Variants in IMPG1 observed in about 807,000 individuals in gnomAD.
IMPG1 encodes the protein interphotoreceptor matrix proteoglycan of 150 kDa.
IMPG1 carries 85 observed loss-of-function variants against 92.0 expected under a neutral mutation model. That is an observed-to-expected ratio of 0.92 (90% CI 0.78 to 1.11). The LOEUF is 1.11. Ranked by LOEUF, IMPG1 falls within the 50% of genes least tolerant of loss-of-function variation. The pLI is 0.00. For missense variants in IMPG1, 1,022 were observed against 956.0 expected (o/e 1.07, Z -0.91); for synonymous variants, 367 against 334.1 (o/e 1.10, Z -1.08).
At chr6:75,970,330 T>G (rs1029872396) in intron 12 of IMPG1, among the ~76,000 whole-genome samples, 55 of 152,002 alleles carry the variant, frequency 3.6e-4, no homozygotes, top group African/African-American at 1.3e-3. Flanking sequence ...AAATTCAAAC[T>G]TCTTTTTTTT....
intron 2 of IMPG1, among the ~76,000 whole-genome samples, chr6:76,036,348 A>G (rs1408055514): frequency 6.6e-6 from 1 of 152,206 alleles, no homozygotes; most frequent in Admixed American, 6.5e-5. Context: ...TTTAACACTG[A>G]TTTCTTCCAA....
At chr6:75,996,653 C>G (rs888829996) in intron 12 of IMPG1, among the ~76,000 whole-genome samples, 20 of 152,084 alleles carry the variant, frequency 1.3e-4, no homozygotes, top group Admixed American at 5.9e-4. Flanking sequence ...CAGGGAATGA[C>G]CAAGATAGCA....
At chr6:76,030,965 G>A (rs965411749) in intron 4 of IMPG1, among the ~76,000 whole-genome samples, 10 of 152,194 alleles carry the variant, frequency 6.6e-5, no homozygotes, top group South Asian at 2.1e-4. Flanking sequence ...CGTTTGGTGC[G>A]GAACCTGGGA....
At chr6:75,978,937 G>A (rs1035844241) in intron 12 of IMPG1, among the ~76,000 whole-genome samples, 1 of 152,084 alleles carries the variant, frequency 6.6e-6, no homozygotes, top group Non-Finnish European at 1.5e-5. Flanking sequence ...GGGAGGACAA[G>A]GTCTCTGTCT....
At chr6:75,946,792 C>T (rs774037298) in intron 14 of IMPG1, among the ~76,000 whole-genome samples, 8 of 151,998 alleles carry the variant, frequency 5.3e-5, no homozygotes, top group South Asian at 2.1e-4. Context: ...TTGTTGATGG[C>T]GAAGTGACTT....
intron 2 of IMPG1, among the ~76,000 whole-genome samples, chr6:76,035,003 T>TGTGTGTGTGTGTGC (rs1020212856): frequency 6.6e-6 from 1 of 151,640 alleles, no homozygotes; most frequent in Non-Finnish European, 1.5e-5. Flanking sequence ...TATGTGCGTG[T>TGTGTGTGTGTGTGC]GTGTGTGTGT....
chr6:75,950,740 T>C lies in IMPG1; in HGVS notation c.1646A>G (p.Asp549Gly). 3 of 1,613,938 alleles carry C rather than the reference T, an allele frequency of 1.9e-6. No individual in the cohort carries two copies. In the South Asian group the frequency reaches 3.3e-5, roughly 18 times the overall value. The change falls in exon 13 of 17, where the codon GAT (aspartate) becomes GGT (glycine). Residue 549 changes from aspartate to glycine, a missense_variant. By Grantham distance (94) the Asp-to-Gly change is moderately conservative. Transcript: ENST00000369950. Reference sequence around the variant, plus strand: ...CTGTAAAGCTGAGACAGGAGTGGTATCCTCCAAGAAATGATCTGGGACAGA... The same window carrying C: ...CTGTAAAGCTGAGACAGGAGTGGTACCCTCCAAGAAATGATCTGGGACAGA... ...YVSVPDHFLE[D>G]TTPVSALQYI...
At chr6:75,971,317 G>T (rs924627725) in intron 12 of IMPG1, among the ~76,000 whole-genome samples, 4 of 133,688 alleles carry the variant, frequency 3.0e-5, no homozygotes, top group African/African-American at 1.1e-4. Flanking sequence ...AGGGCCTGTT[G>T]TGGGGTCGGG....
chr6:75,933,212 C>T (rs1781691901), intron 14 of IMPG1, among the ~76,000 whole-genome samples: 1 of 152,140 alleles, frequency 6.6e-6, no homozygotes, highest in Non-Finnish European at 1.5e-5. Context: ...AAGTAGATGC[C>T]ATTGTCTAGA....
rs1245997754 is a variant in IMPG1, at chr6:76,002,908, G to A, written c.1291+10C>T. 6.2e-7 allele frequency: 1 copy of A among 1,606,040 alleles called. No individual in the cohort carries two copies. Among genetic ancestry groups the A allele is most frequent in the East Asian group, 2.2e-5 (1 of 44,850 alleles). Reference sequence around the variant, plus strand: ...GTCATCTAACATAGACTTTGTGAGGGGAAACTTACCAGGTAGACCATGCTC... The same window carrying A: ...GTCATCTAACATAGACTTTGTGAGGAGAAACTTACCAGGTAGACCATGCTC... On this transcript the variant is annotated intron_variant, in intron 12 of 16. Transcript: ENST00000369950.
chr6:76,026,119 G>A (rs565456722), intron 4 of IMPG1, among the ~76,000 whole-genome samples: 1 of 152,264 alleles, frequency 6.6e-6, no homozygotes, highest in African/African-American at 2.4e-5. Context: ...CTCTGTGCGG[G>A]AAGCACTCTA....
At chr6:75,985,145 G>A (rs1286443624) in intron 12 of IMPG1, among the ~76,000 whole-genome samples, 4 of 152,092 alleles carry the variant, frequency 2.6e-5, no homozygotes, top group African/African-American at 9.7e-5. Context: ...GTAAACAATA[G>A]TTTGAGCCAT....
chr6:76,003,587 T>A (rs930376002), intron 11 of IMPG1, among the ~76,000 whole-genome samples: 7 of 152,208 alleles, frequency 4.6e-5, no homozygotes, highest in African/African-American at 1.7e-4. Context: ...AAAATTTGTT[T>A]GTTTTATTAA....
At chr6:76,035,560 G>A (rs953254496) in intron 2 of IMPG1, among the ~76,000 whole-genome samples, 15 of 149,868 alleles carry the variant, frequency 1.0e-4, no homozygotes, top group African/African-American at 3.4e-4. Context: ...ATTGTGTAGG[G>A]TTTTGCAGAC....
rs1784419591 is a variant in IMPG1, at chr6:76,072,604, A to G, written c.-116T>C. 1.8e-5 allele frequency: 11 copies of G among 621,238 alleles called. No homozygotes were observed. Among genetic ancestry groups the G allele is most frequent in the Non-Finnish European group, 3.0e-5 (11 of 361,692 alleles). The allele number at this position is 621,238 out of a possible 1,614,324, so 38.5% of individuals were successfully genotyped here. A position where few individuals can be genotyped will look rare whatever the true frequency, so the allele number is the denominator to read the frequency against. ...ATATTGATACCAGATGATTGAGGAT[A>G]ACCTTCTTGGTTTACCTTTATGAGG... On this transcript the variant is annotated 5_prime_UTR_variant, in exon 1 of 17. Transcript: ENST00000369950.
intron 12 of IMPG1, among the ~76,000 whole-genome samples, chr6:75,979,546 C>T (rs1235237682): frequency 6.6e-6 from 1 of 152,136 alleles, no homozygotes; most frequent in Admixed American, 6.5e-5. Flanking sequence ...TATCTCATTT[C>T]CCAAGTGGTA....
At chr6:75,956,187 T>C (rs1782116905) in intron 12 of IMPG1, among the ~76,000 whole-genome samples, 1 of 152,248 alleles carries the variant, frequency 6.6e-6, no homozygotes, top group Non-Finnish European at 1.5e-5. Flanking sequence ...AGTTCCTCTT[T>C]GTACCTCTGG....
chr6:75,993,540 G>C (rs971735989), intron 12 of IMPG1, among the ~76,000 whole-genome samples: 4 of 151,914 alleles, frequency 2.6e-5, no homozygotes, highest in African/African-American at 9.7e-5. Flanking sequence ...AAGGGAGAGA[G>C]AAATCATCCC....
At chr6:75,927,956 C>T (rs1368386608) in intron 15 of IMPG1, among the ~76,000 whole-genome samples, 1 of 152,074 alleles carries the variant, frequency 6.6e-6, no homozygotes, top group Non-Finnish European at 1.5e-5. Flanking sequence ...ATTTCCAGAT[C>T]ACCTTATGCC....
Sources: allele counts gnomAD v4.1 joint callset (sites outside exome capture counted in the v4.1 genomes callset), GRCh38; gene constraint gnomAD v4.1.1; transcripts MANE v1.5; gene names NCBI Gene and HGNC (gene_info 2026-07-23, HGNC 2026-07-21).